Variants in TYW1B observed in about 807,000 individuals in gnomAD.
The protein encoded by TYW1B is tRNA-yW synthesizing protein 1 homolog B.
Under a neutral mutation model 86.9 loss-of-function variants are expected in TYW1B, and 73 were observed. The observed-to-expected ratio is 0.84, with a 90% CI of 0.70 to 1.02. TYW1B has a LOEUF of 1.02. Ranked by LOEUF, TYW1B falls within the 50% of genes least tolerant of loss-of-function variation. TYW1B has a pLI of 0.00. For synonymous variants in TYW1B, 248 were observed against 292.8 expected (o/e 0.85, Z 1.56); for missense variants, 637 against 827.4 (o/e 0.77, Z 2.82).
chr7:72,710,582 T>C (rs1182645436), intron 10 of TYW1B, among the ~76,000 whole-genome samples: 2 of 152,188 alleles, frequency 1.3e-5, no homozygotes, highest in Admixed American at 6.5e-5. Flanking sequence ...TCCCAGCACT[T>C]TGGGAGGCCG....
chr7:72,659,695 C>A (rs187681867), intron 11 of TYW1B, among the ~76,000 whole-genome samples: 6 of 152,140 alleles, frequency 3.9e-5, no homozygotes, highest in African/African-American at 1.4e-4. Context: ...AGGGAGGATA[C>A]AATGATATGC....
chr7:72,813,683 G>A (rs1447211035), intron 3 of TYW1B, among the ~76,000 whole-genome samples: 2 of 152,150 alleles, frequency 1.3e-5, no homozygotes, highest in Non-Finnish European at 1.5e-5. Flanking sequence ...AAAAGGGGAG[G>A]AATATTTTTC....
intron 7 of TYW1B, among the ~76,000 whole-genome samples, chr7:72,776,556 C>CAAAAA (rs67553013): frequency 0.48 from 21,600 of 45,160 alleles, 7,261 homozygotes; most frequent in Non-Finnish European, 0.55. Flanking sequence ...GACTCTGTCT[C>CAAAAA]AAAAAAAAAA....
chr7:72,764,291 C>T (rs1218011940), intron 7 of TYW1B, among the ~76,000 whole-genome samples: 16 of 151,994 alleles, frequency 1.1e-4, no homozygotes, highest in African/African-American at 1.9e-4. Flanking sequence ...TCAACAAGTC[C>T]TTTTTTTTCT....
At chr7:72,656,103 G>A (rs538335318) in intron 11 of TYW1B, among the ~76,000 whole-genome samples, 18 of 152,130 alleles carry the variant, frequency 1.2e-4, no homozygotes, top group African/African-American at 4.1e-4. Flanking sequence ...ACTGACTGGC[G>A]CCTTACAAAT....
intron 4 of TYW1B, among the ~76,000 whole-genome samples, chr7:72,810,059 C>T (rs1354370891): frequency 6.7e-6 from 1 of 149,232 alleles, no homozygotes; most frequent in Non-Finnish European, 1.5e-5. Context: ...GGGCAGATCA[C>T]ATGAGGCCAG....
chr7:72,798,327 C>G (rs1788345587), intron 6 of TYW1B, among the ~76,000 whole-genome samples: 1 of 151,704 alleles, frequency 6.6e-6, no homozygotes, highest in Non-Finnish European at 1.5e-5. Flanking sequence ...GGAGGCAGAG[C>G]TTGCAGTGAG....
chr7:72,746,136 T>C (rs1286239460), intron 7 of TYW1B, among the ~76,000 whole-genome samples: 1 of 152,120 alleles, frequency 6.6e-6, no homozygotes, highest in African/African-American at 2.4e-5. Flanking sequence ...GGTACTGTTA[T>C]TAATATAAGC....
chr7:72,618,618 G>A (rs1408255725), intron 12 of TYW1B, among the ~76,000 whole-genome samples: 5 of 152,122 alleles, frequency 3.3e-5, no homozygotes, highest in African/African-American at 9.7e-5. Context: ...CCAAACACTC[G>A]ACTCAAGACA....
chr7:72,596,667 T>C (rs1811539485), intron 13 of TYW1B, among the ~76,000 whole-genome samples: 1 of 152,016 alleles, frequency 6.6e-6, no homozygotes, highest in South Asian at 2.1e-4. Flanking sequence ...AGACTTAAAA[T>C]TATAAGACTC....
intron 11 of TYW1B, among the ~76,000 whole-genome samples, chr7:72,675,597 A>C (rs143690410): frequency 8.6e-5 from 13 of 150,598 alleles, no homozygotes; most frequent in African/African-American, 2.9e-4. Flanking sequence ...ATATATATAC[A>C]CACACACACA....
intron 13 of TYW1B, among the ~76,000 whole-genome samples, chr7:72,582,074 G>C (rs1811166781): frequency 9.0e-6 from 1 of 111,162 alleles, no homozygotes; most frequent in Non-Finnish European, 1.7e-5. Context: ...TGGCAAAAAA[G>C]ATTTTTTTTT....
rs1256374141 is a variant in TYW1B at position 72,748,532 on chromosome 7, CAATCTAA to C, written c.965-3938_965-3932del. On this transcript the variant is annotated intron_variant, in intron 7 of 13. Transcript: ENST00000620995. ...AACGCAGACATACTTGTCTTGTTCC[CAATCTAA>C]TGGGAAAAGCATTTACTCTCTCATA... Among the ~76,000 whole-genome samples the C allele has an allele frequency of 4.8e-5, 7 of 146,418 alleles. No homozygotes were observed. In the Admixed American group the frequency reaches 4.8e-4, roughly 10 times the overall value.
chr7:72,581,481 G>A (rs1367936062), intron 13 of TYW1B, among the ~76,000 whole-genome samples: 6 of 151,944 alleles, frequency 3.9e-5, no homozygotes, highest in Non-Finnish European at 7.4e-5. Context: ...TTTTTGAGAC[G>A]GAGTCATGCT....
chr7:72,643,871 A>G (rs1310258576), intron 11 of TYW1B, among the ~76,000 whole-genome samples: 1 of 152,186 alleles, frequency 6.6e-6, no homozygotes, highest in Non-Finnish European at 1.5e-5. Flanking sequence ...ACAGAAAAAG[A>G]GGCCCTATTC....
intron 11 of TYW1B, among the ~76,000 whole-genome samples, chr7:72,679,183 A>G (rs1214698616): frequency 6.7e-6 from 1 of 150,252 alleles, no homozygotes; most frequent in Admixed American, 6.6e-5. Context: ...CAGTAGTCTC[A>G]TAAGTATAAT....
At chr7:72,710,945 C>T (rs1471356412) in intron 10 of TYW1B, among the ~76,000 whole-genome samples, 3 of 152,098 alleles carry the variant, frequency 2.0e-5, no homozygotes, top group African/African-American at 7.2e-5. Context: ...GCAGGAGCAC[C>T]GTCACCTCGG....
chr7:72,807,882 C>T (rs1300535865), intron 4 of TYW1B, among the ~76,000 whole-genome samples: 1 of 152,130 alleles, frequency 6.6e-6, no homozygotes, highest in Non-Finnish European at 1.5e-5. Flanking sequence ...ACTTAATAAG[C>T]TTCCTGAGTG....
intron 13 of TYW1B, among the ~76,000 whole-genome samples, chr7:72,602,049 T>G (rs1811679939): frequency 6.6e-6 from 1 of 152,198 alleles, no homozygotes; most frequent in African/African-American, 2.4e-5. Context: ...TATGCAAATT[T>G]TTTTAAATGC....
Sources: allele counts gnomAD v4.1 joint callset (sites outside exome capture counted in the v4.1 genomes callset), GRCh38; gene constraint gnomAD v4.1.1; transcripts MANE v1.5; gene names NCBI Gene and HGNC (gene_info 2026-07-23, HGNC 2026-07-21).